Variants in ANK2 observed in about 807,000 individuals in gnomAD.
ANK2 encodes the protein ankyrin 2, also known as ankyrin-2.
A neutral mutation model predicts 360.5 loss-of-function variants in ANK2; 83 were observed. The observed-to-expected ratio is 0.23, with a 90% CI of 0.19 to 0.28. ANK2 has a LOEUF of 0.28. Among genes scored for constraint, ANK2 ranks in the 10% least tolerant of loss-of-function variants. ANK2 has a pLI of 1.00. For missense variants in ANK2, 4,201 were observed against 4,795.7 expected (o/e 0.88, Z 3.66); for synonymous variants, 1,740 against 1,759.5 (o/e 0.99, Z 0.28).
chr4:113,070,451 T>C (rs2077151476), intron 1 of ANK2, among the ~76,000 whole-genome samples: 1 of 152,160 alleles, frequency 6.6e-6, no homozygotes, highest in African/African-American at 2.4e-5. Flanking sequence ...TAAGTATAAA[T>C]GCATTGTCCC....
rs1039448577 is a variant in ANK2 at position 112,923,438 on chromosome 4, A to AT, written c.21+18936dup. On this transcript the variant is annotated intron_variant, in intron 2 of 30. Transcript: ENST00000503271. ...TGATTATAAAGCTAAATGTTGCTGT[A>AT]TTTTTTTTTTTTAATGAGCACCTGT... Among the ~76,000 whole-genome samples the AT allele has an allele frequency of 3.2e-3, 467 of 145,284 alleles. 1 individual carries two copies. Among genetic ancestry groups the AT allele is most frequent in the African/African-American group, 6.6e-3 (262 of 39,934 alleles).
intron 2 of ANK2, among the ~76,000 whole-genome samples, chr4:112,946,100 G>A (rs1354595541): frequency 6.6e-6 from 1 of 152,198 alleles, no homozygotes; most frequent in Non-Finnish European, 1.5e-5. Flanking sequence ...GATTTTCTGG[G>A]CTCAGGTTCC....
the ANK2 span, among the ~76,000 whole-genome samples, chr4:112,727,617 T>C: frequency 1.3e-5 from 2 of 151,642 alleles, no homozygotes; most frequent in South Asian, 2.1e-4. Flanking sequence ...TAGGAAAAAA[T>C]AGAGGATACC....
intron 4 of ANK2, among the ~76,000 whole-genome samples, chr4:113,213,422 T>G (rs2099047013): frequency 1.3e-5 from 2 of 152,200 alleles, no homozygotes; most frequent in Non-Finnish European, 2.9e-5. Flanking sequence ...TCTATAAATG[T>G]AAAGTTCCAT....
chr4:113,109,718 A>T lies in ANK2; in HGVS notation c.84+59906A>T, dbSNP rs570237134. Among the ~76,000 whole-genome samples, 34 of 152,210 alleles carry T rather than the reference A, an allele frequency of 2.2e-4. 1 individual carries two copies. The South Asian group carries it at 6.8e-3, about 31-fold the overall frequency. On this transcript the variant is annotated intron_variant, in intron 1 of 45. Coordinates refer to ENST00000357077, the MANE Select transcript of ANK2 (RefSeq NM_001148.6). Reference sequence around the variant, plus strand: ...TTTTGCCTAGCAATTCCTTATTATCATTCCAGCTGTTTGTTGCTTTTAAGA... The same window carrying T: ...TTTTGCCTAGCAATTCCTTATTATCTTTCCAGCTGTTTGTTGCTTTTAAGA...
chr4:112,931,424 C>CTTTCT (rs1334784847), intron 2 of ANK2, among the ~76,000 whole-genome samples: 11 of 124,500 alleles, frequency 8.8e-5, no homozygotes, highest in South Asian at 2.6e-4. Flanking sequence ...TCAAAGATTT[C>CTTTCT]TTTCTTTTCT....
intron 1 of ANK2, among the ~76,000 whole-genome samples, chr4:113,095,379 C>T (rs1347672982): frequency 6.6e-6 from 1 of 152,122 alleles, no homozygotes; most frequent in East Asian, 1.9e-4. Context: ...ACTCCAAGAA[C>T]TCTAAAACTG....
chr4:113,358,353 C>G lies in ANK2; in HGVS notation c.9735C>G (p.Pro3245=). ...PLSGVKQISC[P]DSSEPAVQVQ... is the part of the protein sequence containing the mutation. ...CTGGTGTAAAGCAGATATCCTGCCCCGACTCTTCTGAACCAGCTGTACAAG... is the reference window on the plus strand; with the variant it reads ...CTGGTGTAAAGCAGATATCCTGCCCGGACTCTTCTGAACCAGCTGTACAAG... The change falls in exon 38 of 46, where the codon CCC becomes CCG. Residue 3245 remains proline, a synonymous_variant. Transcript: ENST00000357077. 6.2e-7 allele frequency: 1 copy of G among 1,613,984 alleles called. No homozygotes were observed. The highest frequency in any genetic ancestry group is 8.5e-7 in the Non-Finnish European group (1 of 1,179,912).
intron 2 of ANK2, among the ~76,000 whole-genome samples, chr4:113,041,996 G>A (rs2063076328): frequency 2.0e-5 from 3 of 152,136 alleles, no homozygotes; most frequent in African/African-American, 7.2e-5. Context: ...ACTGGGTTAA[G>A]GAATACCCAG....
intron 2 of ANK2, among the ~76,000 whole-genome samples, chr4:112,950,215 C>T (rs1039115515): frequency 1.3e-5 from 2 of 151,922 alleles, no homozygotes; most frequent in Non-Finnish European, 2.9e-5. Context: ...TGCCTTTTTT[C>T]CCCCAGTGCC....
chr4:113,156,520 G>A lies in ANK2; in HGVS notation c.85-17896G>A, dbSNP rs562998980. ...CAAGTAGCTGGGACTACAGGTGCACGCCACCACATCTGGATAATTTTCTGT... is the reference window on the plus strand; with the variant it reads ...CAAGTAGCTGGGACTACAGGTGCACACCACCACATCTGGATAATTTTCTGT... On this transcript the variant is annotated intron_variant, in intron 1 of 45. Coordinates refer to ENST00000357077, the MANE Select transcript of ANK2 (RefSeq NM_001148.6). Among the ~76,000 whole-genome samples, 90 of 151,780 alleles carry A rather than the reference G, an allele frequency of 5.9e-4. 1 individual carries two copies. The highest frequency in any genetic ancestry group is 1.4e-3 in the Admixed American group (22 of 15,234).
rs1294996741 is a variant in ANK2, at chr4:113,026,078, T to C, written c.21+121564T>C. Among the ~76,000 whole-genome samples, 3 of 152,272 alleles carry C rather than the reference T, an allele frequency of 2.0e-5. No individual in the cohort carries two copies. The South Asian group carries it at 6.2e-4, about 32-fold the overall frequency. On this transcript the variant is annotated intron_variant, in intron 2 of 30. Coordinates refer to the ANK2 transcript ENST00000503271. ...AATAGACAAAGCGTATATGGTACAT[T>C]TATTTTCCCTCTTTACTATAAGGAA...
At position 113,274,544 on chromosome 4, in the gene ANK2, C is replaced by G. The variant is rs762958248; in HGVS notation, c.1578C>G (p.Ala526=). The G allele has an allele frequency of 1.7e-5, 27 of 1,614,052 alleles. No homozygotes were observed. Among genetic ancestry groups the G allele is most frequent in the Admixed American group, 5.0e-5 (3 of 60,008 alleles). ...AACATATGGCTCATCCAGATGCGGC[C>G]ACTACAAATGGGTACACACCACTGC... is the stretch of plus-strand genomic sequence containing the variant. ...LLQHMAHPDA[A]TTNGYTPLHI... The change falls in exon 15 of 46, where the codon GCC becomes GCG. Residue 526 remains alanine, a synonymous_variant. Coordinates refer to ENST00000357077, the MANE Select transcript of ANK2 (RefSeq NM_001148.6).
intron 29 of ANK2, 109 bp downstream of exon 29, chr4:113,333,317 T>A: frequency 2.2e-6 from 3 of 1,340,620 alleles, no homozygotes; most frequent in Non-Finnish European, 2.1e-6. Context: ...TGTGTGTGTG[T>A]GTGTGTGTGT....
the ANK2 span, among the ~76,000 whole-genome samples, chr4:112,811,676 C>T: frequency 2.2e-3 from 335 of 152,240 alleles, 1 homozygote; most frequent in Middle Eastern, 6.8e-3. Context: ...TTGTCTGAAC[C>T]AGTTACTCCA....
chr4:113,190,357 G>T (rs1000336141), intron 2 of ANK2, among the ~76,000 whole-genome samples: 1 of 151,898 alleles, frequency 6.6e-6, no homozygotes, highest in Non-Finnish European at 1.5e-5. Context: ...CAATCCTCCC[G>T]CCTCGGCCTC....
chr4:113,206,551 C>A (rs954652440), intron 4 of ANK2, among the ~76,000 whole-genome samples: 1 of 151,974 alleles, frequency 6.6e-6, no homozygotes, highest in African/African-American at 2.4e-5. Flanking sequence ...CAGGTACTTG[C>A]ATTTGACAAG....
intron 1 of ANK2, among the ~76,000 whole-genome samples, chr4:113,116,154 A>G (rs1050112042): frequency 6.6e-6 from 1 of 152,208 alleles, no homozygotes; most frequent in Non-Finnish European, 1.5e-5. Context: ...GTGTATATAC[A>G]GCAACATTCA....
intron 1 of ANK2, among the ~76,000 whole-genome samples, chr4:112,831,057 G>A (rs746903526): frequency 3.3e-5 from 5 of 152,180 alleles, no homozygotes; most frequent in East Asian, 3.9e-4. Flanking sequence ...GGCAGGGCTC[G>A]GGACCTGCAG....
Sources: allele counts gnomAD v4.1 joint callset (sites outside exome capture counted in the v4.1 genomes callset), GRCh38; gene constraint gnomAD v4.1.1; transcripts MANE v1.5; gene names NCBI Gene and HGNC (gene_info 2026-07-23, HGNC 2026-07-21).